The following CLSTN2 variants were observed in gnomAD, a reference collection of about 807,000 sequenced individuals.
CLSTN2 encodes calsyntenin-2.
A neutral mutation model predicts 101.2 loss-of-function variants in CLSTN2; 48 were observed. That is an observed-to-expected ratio of 0.47 (90% confidence interval 0.38 to 0.60). CLSTN2 has a LOEUF of 0.60. CLSTN2 is among the 20% of genes least tolerant of loss of function. CLSTN2 has a pLI of 0.00. For synonymous variants in CLSTN2, 481 were observed against 463.6 expected (o/e 1.04, Z -0.48); for missense variants, 1,160 against 1,238.2 (o/e 0.94, Z 0.95).
At chr3:139,945,417 C>T (rs1040583203) in intron 1 of CLSTN2, among the ~76,000 whole-genome samples, 4 of 152,220 alleles carry the variant, frequency 2.6e-5, no homozygotes, top group Non-Finnish European at 4.4e-5. Flanking sequence ...ACAAGGTGAT[C>T]ATATTTAAGA....
intron 1 of CLSTN2, among the ~76,000 whole-genome samples, chr3:140,094,661 A>G (rs187627641): frequency 2.0e-5 from 3 of 152,348 alleles, no homozygotes; most frequent in South Asian, 4.1e-4. Flanking sequence ...TTAAACAGCT[A>G]GGGTGCTGTG....
rs1288184058 is a variant in CLSTN2, at chr3:140,567,577, T to C, written c.*1324T>C. 6.6e-6 allele frequency: 1 copy of C among 152,230 alleles called. No individual in the cohort carries two copies. The highest frequency in any genetic ancestry group is 1.5e-5 in the Non-Finnish European group (1 of 68,030). The allele number at this position is 152,230 out of a possible 1,614,324, so 9.4% of individuals were successfully genotyped here. A position where few individuals can be genotyped will look rare whatever the true frequency, so the allele number is the denominator to read the frequency against. ...AGAATTGTTTCTATAGTAACTGGTCTGTGATCTTTTGTGGCCAAGAGAATA... is the reference window on the plus strand; with the variant it reads ...AGAATTGTTTCTATAGTAACTGGTCCGTGATCTTTTGTGGCCAAGAGAATA... On this transcript the variant is annotated 3_prime_UTR_variant, in exon 17 of 17. Coordinates refer to ENST00000458420, the MANE Select transcript of CLSTN2 (RefSeq NM_022131.3).
At chr3:139,988,151 G>A (rs1936059075) in intron 1 of CLSTN2, among the ~76,000 whole-genome samples, 1 of 152,194 alleles carries the variant, frequency 6.6e-6, no homozygotes, top group Non-Finnish European at 1.5e-5. Context: ...CTGGTGCAGC[G>A]CTTGTCCTTA....
At chr3:140,387,094 T>G (rs1480209031) in intron 2 of CLSTN2, among the ~76,000 whole-genome samples, 1 of 152,194 alleles carries the variant, frequency 6.6e-6, no homozygotes, top group African/African-American at 2.4e-5. Context: ...GGAGATGAGA[T>G]GAGGAAGTAC....
At chr3:140,073,633 C>A (rs540689416) in intron 1 of CLSTN2, among the ~76,000 whole-genome samples, 1 of 152,300 alleles carries the variant, frequency 6.6e-6, no homozygotes, top group East Asian at 1.9e-4. Flanking sequence ...AGAGCACTGG[C>A]GAGGGTGGGG....
intron 2 of CLSTN2, among the ~76,000 whole-genome samples, chr3:140,242,596 A>G (rs2086479646): frequency 6.6e-6 from 1 of 152,274 alleles, no homozygotes; most frequent in Non-Finnish European, 1.5e-5. Flanking sequence ...TTGGTTGGGA[A>G]CTACAGGGTT....
chr3:140,244,819 C>G (rs2086501084), intron 2 of CLSTN2, among the ~76,000 whole-genome samples: 1 of 152,150 alleles, frequency 6.6e-6, no homozygotes, highest in Non-Finnish European at 1.5e-5. Flanking sequence ...ATGTTTATTG[C>G]AGTTTATTCT....
intron 2 of CLSTN2, among the ~76,000 whole-genome samples, chr3:140,368,054 A>G (rs1366039247): frequency 6.6e-6 from 1 of 152,254 alleles, no homozygotes; most frequent in Middle Eastern, 3.4e-3. Context: ...CTAGGTGATG[A>G]TTTTTTTATT....
intron 2 of CLSTN2, among the ~76,000 whole-genome samples, chr3:140,366,415 G>A (rs753923145): frequency 6.6e-6 from 1 of 152,222 alleles, no homozygotes; most frequent in East Asian, 1.9e-4. Flanking sequence ...ATTTAAGAAA[G>A]CAGGCATGAA....
intron 1 of CLSTN2, among the ~76,000 whole-genome samples, chr3:140,078,149 C>T (rs1018392269): frequency 2.0e-5 from 3 of 152,090 alleles, no homozygotes; most frequent in Non-Finnish European, 4.4e-5. Flanking sequence ...CACAGGACAC[C>T]CTGCACCCTC....
intron 2 of CLSTN2, among the ~76,000 whole-genome samples, chr3:140,234,014 A>T (rs2086394035): frequency 6.6e-6 from 1 of 152,214 alleles, no homozygotes; most frequent in Non-Finnish European, 1.5e-5. Context: ...CAAAGCTTAA[A>T]ATATTTATTC....
intron 2 of CLSTN2, among the ~76,000 whole-genome samples, chr3:140,296,261 G>A (rs59385932): frequency 0.053 from 8,008 of 152,214 alleles, 478 homozygotes; most frequent in African/African-American, 0.14. Context: ...CACTATGTCA[G>A]TTCCCTGAAA....
chr3:140,020,594 C>T (rs1286564528), intron 1 of CLSTN2, among the ~76,000 whole-genome samples: 2 of 152,164 alleles, frequency 1.3e-5, no homozygotes, highest in East Asian at 1.9e-4. Flanking sequence ...TGTCCTCATG[C>T]GTTCCCATTG....
At chr3:139,964,931 G>T (rs1308058285) in intron 1 of CLSTN2, among the ~76,000 whole-genome samples, 1 of 152,146 alleles carries the variant, frequency 6.6e-6, no homozygotes, top group East Asian at 1.9e-4. Context: ...GTCCTTCAGA[G>T]CAGTAAGTTG....
At chr3:140,462,078 AC>A (rs1933578010) in intron 7 of CLSTN2, among the ~76,000 whole-genome samples, 1 of 152,180 alleles carries the variant, frequency 6.6e-6, no homozygotes, top group South Asian at 2.1e-4. Flanking sequence ...ACAGAAATTA[AC>A]TAAAATCCTA....
chr3:140,068,503 T>C (rs1426850709), intron 1 of CLSTN2, among the ~76,000 whole-genome samples: 1 of 152,202 alleles, frequency 6.6e-6, no homozygotes, highest in Non-Finnish European at 1.5e-5. Context: ...GGTACTTGGA[T>C]TTGAGATGCA....
intron 1 of CLSTN2, among the ~76,000 whole-genome samples, chr3:139,990,654 G>A (rs1397397758): frequency 1.2e-4 from 18 of 152,256 alleles, no homozygotes; most frequent in Admixed American, 1.2e-3. Flanking sequence ...GTCCAAGGTA[G>A]AGACCCCACC....
chr3:140,497,200 C>T (rs1367717658), intron 8 of CLSTN2, among the ~76,000 whole-genome samples: 1 of 152,050 alleles, frequency 6.6e-6, no homozygotes, highest in Non-Finnish European at 1.5e-5. Flanking sequence ...TTGGACTCTC[C>T]AGAGCCAGCA....
At chr3:139,979,527 G>A (rs1935879828) in intron 1 of CLSTN2, among the ~76,000 whole-genome samples, 2 of 152,102 alleles carry the variant, frequency 1.3e-5, no homozygotes, top group Non-Finnish European at 2.9e-5. Flanking sequence ...CTCAGGCACA[G>A]AGGCACATTT....
Sources: gnomAD v4.1 joint callset for allele counts (sites outside exome capture counted in the v4.1 genomes callset) on GRCh38, gnomAD v4.1.1 for gene constraint, MANE v1.5 for transcripts, NCBI Gene and HGNC (gene_info 2026-07-23, HGNC 2026-07-21) for gene names.